Variants in PPARGC1A observed in about 807,000 individuals in gnomAD.
The protein encoded by PPARGC1A is peroxisome proliferator-activated receptor gamma coactivator 1-alpha.
Under a neutral mutation model 88.7 loss-of-function variants are expected in PPARGC1A, and 25 were observed. That is an observed-to-expected ratio of 0.28 (90% CI 0.21 to 0.39). The LOEUF (loss-of-function observed/expected upper bound fraction) is 0.39, where lower values mean the gene tolerates loss of function less well. Ranked by LOEUF, PPARGC1A falls within the 10% of genes least tolerant of loss-of-function variation. The pLI, the probability that PPARGC1A is intolerant of heterozygous loss-of-function variation, is 1.00. For synonymous variants in PPARGC1A, 363 were observed against 355.6 expected (o/e 1.02, Z -0.24); for missense variants, 880 against 968.7 (o/e 0.91, Z 1.22).
At chr4:23,910,976 C>T in the PPARGC1A span, among the ~76,000 whole-genome samples, 3 of 150,786 alleles carry the variant, frequency 2.0e-5, no homozygotes, top group East Asian at 4.0e-4. Context: ...CTCGCTCTAA[C>T]GTCTGCCAAA....
the PPARGC1A span, among the ~76,000 whole-genome samples, chr4:24,379,294 G>A: frequency 6.6e-6 from 1 of 152,170 alleles, no homozygotes; most frequent in Non-Finnish European, 1.5e-5. Context: ...TGGGTTGGAG[G>A]AGGTGATAAA....
chr4:24,024,234 T>G, the PPARGC1A span, among the ~76,000 whole-genome samples: 2 of 152,206 alleles, frequency 1.3e-5, no homozygotes, highest in African/African-American at 4.8e-5. Flanking sequence ...GCCCAGACAT[T>G]TTACATGACT....
the PPARGC1A span, among the ~76,000 whole-genome samples, chr4:24,147,255 C>T: frequency 3.3e-5 from 5 of 152,156 alleles, no homozygotes; most frequent in Non-Finnish European, 7.4e-5. Flanking sequence ...CACATAGGCC[C>T]TTGGACTCAT....
the PPARGC1A span, among the ~76,000 whole-genome samples, chr4:24,308,951 C>T: frequency 2.6e-5 from 4 of 151,118 alleles, no homozygotes; most frequent in Admixed American, 6.6e-5. Flanking sequence ...TTTTTTTCAA[C>T]ATTTGAGTAG....
At chr4:23,815,546 C>T (rs530353661) in intron 7 of PPARGC1A, among the ~76,000 whole-genome samples, 6 of 152,192 alleles carry the variant, frequency 3.9e-5, no homozygotes, top group African/African-American at 1.4e-4. Context: ...AGCTGTTGCT[C>T]TTTCTGCTTT....
chr4:23,859,420 G>A (rs1448789931), intron 2 of PPARGC1A, among the ~76,000 whole-genome samples: 1 of 152,152 alleles, frequency 6.6e-6, no homozygotes, highest in East Asian at 1.9e-4. Flanking sequence ...AGGAAGGAGA[G>A]AAGATGTATT....
chr4:23,831,470 C>G, intron 3 of PPARGC1A, 87 bp downstream of exon 3: 1 of 1,246,578 alleles, frequency 8.0e-7, no homozygotes. Flanking sequence ...TGAAAAAATC[C>G]AAACCTTATT....
At chr4:24,415,615 T>C in the PPARGC1A span, among the ~76,000 whole-genome samples, 1 of 152,196 alleles carries the variant, frequency 6.6e-6, no homozygotes, top group Non-Finnish European at 1.5e-5. Context: ...CTGAATCCCA[T>C]TTGTATGTGT....
At chr4:24,222,171 A>G in the PPARGC1A span, among the ~76,000 whole-genome samples, 2 of 152,310 alleles carry the variant, frequency 1.3e-5, no homozygotes, top group South Asian at 4.1e-4. Context: ...AAGAGAATAA[A>G]TCTCATCCTC....
intron 10 of PPARGC1A, among the ~76,000 whole-genome samples, chr4:23,811,393 T>G (rs1384013809): frequency 6.6e-6 from 1 of 152,244 alleles, no homozygotes; most frequent in Non-Finnish European, 1.5e-5. Flanking sequence ...TGATCTTCAC[T>G]GAGCTAACTC....
At chr4:24,075,621 T>TG in the PPARGC1A span, among the ~76,000 whole-genome samples, 1 of 152,038 alleles carries the variant, frequency 6.6e-6, no homozygotes, top group Non-Finnish European at 1.5e-5. Context: ...AGTTGAATCA[T>TG]GGGGGGAGGT....
the PPARGC1A span, among the ~76,000 whole-genome samples, chr4:23,913,229 T>G: frequency 7.2e-6 from 1 of 138,196 alleles, no homozygotes; most frequent in African/African-American, 2.6e-5. Flanking sequence ...AGATATTATA[T>G]ATATTATATA....
chr4:24,338,081 T>C, the PPARGC1A span, among the ~76,000 whole-genome samples: 1 of 152,134 alleles, frequency 6.6e-6, no homozygotes, highest in Non-Finnish European at 1.5e-5. Context: ...AAATTTGTTT[T>C]AACTGCCAGG....
the PPARGC1A span, among the ~76,000 whole-genome samples, chr4:24,142,843 T>C: frequency 4.7e-4 from 71 of 152,100 alleles, 1 homozygote; most frequent in East Asian, 0.012. Context: ...GAGTTCTAAG[T>C]TTTAGAATTA....
the PPARGC1A span, among the ~76,000 whole-genome samples, chr4:24,391,499 T>C: frequency 1.3e-5 from 2 of 152,156 alleles, no homozygotes; most frequent in Non-Finnish European, 2.9e-5. Flanking sequence ...TTGAGCTATA[T>C]GTAGTGGATA....
the PPARGC1A span, among the ~76,000 whole-genome samples, chr4:24,344,038 C>T: frequency 6.6e-6 from 1 of 152,066 alleles, no homozygotes. Flanking sequence ...TAATAGTCTC[C>T]AATCTCATCC....
At position 23,795,138 on chromosome 4, in the gene PPARGC1A, G is replaced by T. The variant is rs543244097; in HGVS notation, c.*684C>A. ...TTCAGGATTGTCATATAATCATTAC[G>T]TTATGAGAGAAAGCTTGCTTCAAGT... On this transcript the variant is annotated 3_prime_UTR_variant, in exon 13 of 13. Coordinates refer to ENST00000264867, the MANE Select transcript of PPARGC1A (RefSeq NM_013261.5). 1 of 151,270 alleles carries T rather than the reference G, an allele frequency of 6.6e-6. No individual in the cohort carries two copies. Among genetic ancestry groups the T allele is most frequent in the African/African-American group, 2.4e-5 (1 of 41,098 alleles). 9.4% of individuals were successfully genotyped at this position (151,270 alleles called of 1,614,324 possible).
the PPARGC1A span, among the ~76,000 whole-genome samples, chr4:24,267,233 C>T: frequency 6.6e-6 from 1 of 152,226 alleles, no homozygotes; most frequent in South Asian, 2.1e-4. Context: ...CCTCCATGTC[C>T]TGATACCATG....
At chr4:24,062,330 A>G in the PPARGC1A span, among the ~76,000 whole-genome samples, 2 of 152,186 alleles carry the variant, frequency 1.3e-5, no homozygotes, top group African/African-American at 4.8e-5. Flanking sequence ...AACTAGGTCA[A>G]ATGTTTTAGA....
Sources: gnomAD v4.1 joint callset for allele counts (sites outside exome capture counted in the v4.1 genomes callset) on GRCh38, gnomAD v4.1.1 for gene constraint, MANE v1.5 for transcripts, NCBI Gene and HGNC (gene_info 2026-07-23, HGNC 2026-07-21) for gene names.